Variants in DCAF1 observed in about 807,000 individuals in gnomAD.
DCAF1 encodes DDB1 and CUL4 associated factor 1, also known as DDB1- and CUL4-associated factor 1.
A neutral mutation model predicts 128.0 loss-of-function variants in DCAF1; 15 were observed. The ratio of observed to expected loss-of-function variants is 0.12; its 90% CI spans 0.08 to 0.18. The LOEUF is 0.18. Among genes scored for constraint, DCAF1 ranks in the 10% least tolerant of loss-of-function variants. DCAF1 has a pLI of 1.00. For missense variants in DCAF1, 988 were observed against 1,649.5 expected, an observed-to-expected ratio of 0.60 and a Z score of 6.95; for synonymous variants, 610 against 603.0, an observed-to-expected ratio of 1.01 and a Z score of -0.17.
chr3:51,406,565 T>G (rs78952149), intron 23 of DCAF1, among the ~76,000 whole-genome samples: 4,390 of 152,180 alleles, frequency 0.029, 90 homozygotes, highest in South Asian at 0.045. Flanking sequence ...TAATTCCACC[T>G]ACATCAATTT....
intron 3 of DCAF1, among the ~76,000 whole-genome samples, chr3:51,471,765 G>A (rs1245843527): frequency 2.6e-5 from 4 of 151,948 alleles, no homozygotes; most frequent in Non-Finnish European, 4.4e-5. Context: ...TAGTAGGGAG[G>A]CTGAGGCAGG....
chr3:51,404,377 C>T (rs1291870195), intron 23 of DCAF1, among the ~76,000 whole-genome samples: 1 of 151,986 alleles, frequency 6.6e-6, no homozygotes, highest in Non-Finnish European at 1.5e-5. Flanking sequence ...TGGAATAAGC[C>T]CAACGTAAGC....
chr3:51,440,308 C>A (rs1324119215), intron 9 of DCAF1: 2 of 333,416 alleles, frequency 6.0e-6, no homozygotes, highest in African/African-American at 4.4e-5. Flanking sequence ...AGGCACATCT[C>A]TGTCAATAAA....
chr3:51,420,906 A>G lies in DCAF1; in HGVS notation c.2064T>C (p.Cys688=). The G allele has an allele frequency of 6.2e-7, 1 of 1,614,022 alleles. No individual in the cohort carries two copies. The highest frequency in any genetic ancestry group is 8.5e-7 in the Non-Finnish European group (1 of 1,179,896). Reference sequence around the variant, plus strand: ...ATATTCGGTTATCTGGGCCACACACACAATTGATGATAATCTGAAGTGCTG... The same window carrying G: ...ATATTCGGTTATCTGGGCCACACACGCAATTGATGATAATCTGAAGTGCTG... ...QKSALQIIIN[C]VCGPDNRISS... Residue 688 remains cysteine (C), a synonymous_variant, in exon 15 of 25, where the codon TGT becomes TGC. Coordinates refer to ENST00000684031, the MANE Select transcript of DCAF1 (RefSeq NM_001387579.1). The surrounding 1 kb of genome is among the most constrained non-coding windows in gnomAD (Gnocchi z 6.5).
intron 4 of DCAF1, among the ~76,000 whole-genome samples, chr3:51,469,033 T>C (rs528525517): frequency 2.6e-5 from 4 of 152,252 alleles, no homozygotes; most frequent in South Asian, 2.1e-4. Context: ...TAGTCACAAG[T>C]AGGGATGTCC....
intron 2 of DCAF1, among the ~76,000 whole-genome samples, chr3:51,486,592 G>A (rs1553655567): frequency 6.6e-6 from 1 of 152,008 alleles, no homozygotes; most frequent in African/African-American, 2.4e-5. Context: ...AACTCAGGTT[G>A]CATATTTTAC....
chr3:51,491,282 A>C (rs1221517588), intron 2 of DCAF1, among the ~76,000 whole-genome samples: 2 of 151,344 alleles, frequency 1.3e-5, no homozygotes, highest in East Asian at 2.0e-4. Flanking sequence ...TAGGAGACGG[A>C]GGCTGCAGTG....
intron 20 of DCAF1, 65 bp from the exon 21 acceptor site, chr3:51,413,451 G>A (rs1398995114): frequency 2.2e-5 from 34 of 1,550,828 alleles, no homozygotes; most frequent in Non-Finnish European, 2.7e-5. Context: ...CACAAGTGCA[G>A]AAAATGTTAA....
At chr3:51,471,566 C>G (rs1220144836) in intron 3 of DCAF1, among the ~76,000 whole-genome samples, 1 of 152,040 alleles carries the variant, frequency 6.6e-6, no homozygotes, top group African/African-American at 2.4e-5. Flanking sequence ...TAGGACTCAT[C>G]TTTAAAATCT....
At chr3:51,406,721 A>G (rs1553626759) in intron 23 of DCAF1, among the ~76,000 whole-genome samples, 2 of 152,062 alleles carry the variant, frequency 1.3e-5, no homozygotes, top group Non-Finnish European at 2.9e-5. Flanking sequence ...TCTGAGGAGG[A>G]AGCATGCTAC....
At chr3:51,468,874 C>G (rs952728023) in intron 4 of DCAF1, among the ~76,000 whole-genome samples, 2 of 152,202 alleles carry the variant, frequency 1.3e-5, no homozygotes, top group Non-Finnish European at 2.9e-5. Flanking sequence ...CATCTCCAGG[C>G]AATGACATTC....
In DCAF1 at chr3:51,412,470, C is replaced by T; in HGVS notation, c.4121G>A (p.Ser1374Asn). ...CYLAVIENQG[S>N]MDALNMDTVC... ...TGTGTCCATGTTCAGGGCATCCATG[C>T]TGCCTTGATTCTGAAATAGAACATC... is the stretch of plus-strand genomic sequence containing the variant. The change falls in exon 23 of 25, where the codon AGC (serine) becomes AAC (asparagine). Residue 1374 changes from serine to asparagine, a missense_variant. By Grantham distance (46) the Ser-to-Asn change is conservative. This residue lies in a region of DCAF1 where 85 missense variants were observed against 204.6 expected (regional missense o/e 0.42). Transcript: ENST00000684031. The T allele has an allele frequency of 6.2e-7, 1 of 1,613,916 alleles. No homozygotes were observed. Among genetic ancestry groups the T allele is most frequent in the Non-Finnish European group, 8.5e-7 (1 of 1,179,850 alleles).
At chr3:51,505,484 G>C in the DCAF1 span, among the ~76,000 whole-genome samples, 1 of 152,166 alleles carries the variant, frequency 6.6e-6, no homozygotes, top group Non-Finnish European at 1.5e-5. Flanking sequence ...AAGTCATCAA[G>C]ACGGGAGTTT....
chr3:51,439,544 C>T (rs918746829), intron 9 of DCAF1, among the ~76,000 whole-genome samples: 1 of 147,230 alleles, frequency 6.8e-6, no homozygotes, highest in African/African-American at 2.5e-5. Context: ...CGAGTTCAAG[C>T]GATTCTCCCA....
In DCAF1 at chr3:51,414,871, G is replaced by A; in HGVS notation, c.3604-14C>T. ...AATATCATAAATCTTTAGAGAAGAA[G>A]GGATGGGAAGAGAAAAATCAGACCA... On this transcript the variant is annotated splice_polypyrimidine_tract_variant and intron_variant, in intron 18 of 24. Transcript: ENST00000684031. The A allele has an allele frequency of 6.2e-7, 1 of 1,605,998 alleles. No individual in the cohort carries two copies. The highest frequency in any genetic ancestry group is 8.5e-7 in the Non-Finnish European group (1 of 1,173,918).
intron 6 of DCAF1, among the ~76,000 whole-genome samples, chr3:51,444,824 C>T (rs1334030584): frequency 4.0e-5 from 6 of 151,634 alleles, no homozygotes; most frequent in African/African-American, 1.2e-4. Context: ...TACAGGCACC[C>T]GCCACCACGC....
At chr3:51,418,556 A>G (rs988316630) in intron 16 of DCAF1, 122 bp downstream of exon 16, 87 of 1,451,004 alleles carry the variant, frequency 6.0e-5, no homozygotes, top group Non-Finnish European at 5.9e-5. Context: ...AACCTCAACT[A>G]GACTTTCCAG....
upstream of DCAF1, among the ~76,000 whole-genome samples, chr3:51,503,765 A>C (rs1159282409): frequency 6.6e-6 from 1 of 152,144 alleles, no homozygotes; most frequent in African/African-American, 2.4e-5. Flanking sequence ...ACGCCACATC[A>C]TTTCCCAAAG....
At chr3:51,500,315 G>A (rs1190737640), upstream of DCAF1, among the ~76,000 whole-genome samples, 10 of 151,944 alleles carry the variant, frequency 6.6e-5, no homozygotes, top group Admixed American at 6.6e-5. Context: ...TGCTTCGGAA[G>A]GCGGAAGTGA....
Sources: gnomAD v4.1 joint callset for allele counts (sites outside exome capture counted in the v4.1 genomes callset) on GRCh38, gnomAD v4.1.1 for gene constraint, gnomAD v4.1.1 regional missense constraint, Gnocchi (gnomAD v3.1) non-coding constraint, MANE v1.5 for transcripts, NCBI Gene and HGNC (gene_info 2026-07-23, HGNC 2026-07-21) for gene names.